ZNF626: variants seen among roughly 807,000 people sequenced by gnomAD.
ZNF626 encodes CTC-513N18.7.
In ZNF626, 4 loss-of-function variants were observed where a neutral mutation model predicts 11.7. The observed-to-expected ratio is 0.34, with a 90% confidence interval of 0.17 to 0.78. The LOEUF is 0.78. Among genes scored for constraint, ZNF626 ranks in the 30% least tolerant of loss-of-function variants. The pLI is 0.57. For missense variants in ZNF626, 588 were observed against 587.1 expected, an observed-to-expected ratio of 1.00 and a Z score of -0.01; for synonymous variants, 179 against 198.6, an observed-to-expected ratio of 0.90 and a Z score of 0.83.
At chr19:20,653,618 G>A (rs1555772791) in intron 1 of ZNF626, among the ~76,000 whole-genome samples, 7 of 140,698 alleles carry the variant, frequency 5.0e-5, no homozygotes, top group Non-Finnish European at 4.5e-5. Flanking sequence ...GACAGAGTGA[G>A]ACTCTGTCCC....
chr19:20,622,305 T>C lies in ZNF626; in HGVS notation c.*1985A>G, dbSNP rs1969766839. Reference sequence around the variant, plus strand: ...AGTAAAATTAGTAAAATAATTGATATACTTTAATTTATAATTTCTTTCTCT... The same window carrying C: ...AGTAAAATTAGTAAAATAATTGATACACTTTAATTTATAATTTCTTTCTCT... On this transcript the variant is annotated 3_prime_UTR_variant, in exon 4 of 4. Coordinates refer to ENST00000601440, the MANE Select transcript of ZNF626 (RefSeq NM_001076675.3). 2 of 152,248 alleles carry C rather than the reference T, an allele frequency of 1.3e-5. No individual in the cohort carries two copies. The highest frequency in any genetic ancestry group is 2.9e-5 in the Non-Finnish European group (2 of 68,040). The allele number at this position is 152,248 out of a possible 1,614,324, so 9.4% of individuals were successfully genotyped here.
intron 1 of ZNF626, among the ~76,000 whole-genome samples, chr19:20,658,413 G>A (rs1970228629): frequency 2.0e-5 from 3 of 152,182 alleles, no homozygotes; most frequent in African/African-American, 4.8e-5. Context: ...GCCCAGTACT[G>A]GGAGGAGTGA....
At chr19:20,634,905 T>C (rs910234642) in intron 3 of ZNF626, among the ~76,000 whole-genome samples, 1 of 152,086 alleles carries the variant, frequency 6.6e-6, no homozygotes. Flanking sequence ...AGTATAAAAG[T>C]GAAAAAGTAG....
At chr19:20,647,296 T>A (rs1970090315) in intron 1 of ZNF626, among the ~76,000 whole-genome samples, 1 of 151,668 alleles carries the variant, frequency 6.6e-6, no homozygotes, top group Non-Finnish European at 1.5e-5. Flanking sequence ...CAAAGAAACA[T>A]GTGTAGAAAA....
chr19:20,638,392 T>C lies in ZNF626; in HGVS notation c.226+7292A>G, dbSNP rs1300198223. Among the ~76,000 whole-genome samples, 3 of 148,176 alleles carry C rather than the reference T, an allele frequency of 2.0e-5. No individual in the cohort carries two copies. In the Admixed American group the frequency reaches 2.0e-4, roughly 10 times the overall value. ...GTGAACTGAGATTGCACCACTGCAC[T>C]GCAGCCTGGGCAACAAGAGCAAAAC... On this transcript the variant is annotated intron_variant, in intron 3 of 3. Transcript: ENST00000601440.
rs1317689279 is a variant in ZNF626 at position 20,625,064 on chromosome 19, G to C, written c.813C>G (p.Thr271=). The change falls in exon 4 of 4, where the codon ACC becomes ACG. Residue 271 remains threonine (T), a synonymous_variant. Coordinates refer to ENST00000601440, the MANE Select transcript of ZNF626 (RefSeq NM_001076675.3). ...TATGAATTATCTCATGTTTACTAAG[G>C]GTTGAGGATGACATAAAGGCTTTGC... The part of the protein sequence containing the change: ...KCGKAFMSSS[T]LSKHEIIHTE... 1.2e-6 allele frequency: 2 copies of C among 1,613,294 alleles called. No homozygotes were observed. Among genetic ancestry groups the C allele is most frequent in the African/African-American group, 2.7e-5 (2 of 74,878 alleles).
chr19:20,659,234 T>A (rs1463046764), intron 1 of ZNF626, among the ~76,000 whole-genome samples: 3 of 152,112 alleles, frequency 2.0e-5, no homozygotes, highest in East Asian at 3.9e-4. Flanking sequence ...TTGTCTTCAG[T>A]GGTCAAAATA....
chr19:20,641,313 AC>A (rs1302839249), intron 3 of ZNF626, among the ~76,000 whole-genome samples: 1 of 152,160 alleles, frequency 6.6e-6, no homozygotes, highest in African/African-American at 2.4e-5. Context: ...CTTAAATAAA[AC>A]AATCTTGTCA....
chr19:20,651,475 C>T (rs562451854), intron 1 of ZNF626, among the ~76,000 whole-genome samples: 1 of 152,126 alleles, frequency 6.6e-6, no homozygotes, highest in East Asian at 1.9e-4. Flanking sequence ...AGATCTCCTC[C>T]TTGTTTATCA....
rs782691902 is a variant in ZNF626 at position 20,625,667 on chromosome 19, A to G, written c.227-17T>C. ...AACACATTACTGAAAGAAACAATAA[A>G]AACACATTACTTCAATTGGTAGACT... On this transcript the variant is annotated splice_polypyrimidine_tract_variant and intron_variant, in intron 3 of 3. Coordinates refer to ENST00000601440, the MANE Select transcript of ZNF626 (RefSeq NM_001076675.3). 7.9e-6 allele frequency: 12 copies of G among 1,517,392 alleles called. No homozygotes were observed. Among genetic ancestry groups the G allele is most frequent in the East Asian group, 6.8e-5 (3 of 44,032 alleles). 94.0% of individuals were successfully genotyped at this position (1,517,392 alleles called of 1,614,324 possible).
intron 1 of ZNF626, among the ~76,000 whole-genome samples, chr19:20,657,265 C>T (rs1233115147): frequency 2.6e-5 from 4 of 151,986 alleles, no homozygotes; most frequent in African/African-American, 9.7e-5. Flanking sequence ...GTAGTCCCAG[C>T]TACTTGGGAG....
rs1555769355 is a variant in ZNF626 at position 20,625,042 on chromosome 19, G to T, written c.835C>A (p.His279Asn). 1 of 1,613,802 alleles carries T rather than the reference G, an allele frequency of 6.2e-7. No individual in the cohort carries two copies. Among genetic ancestry groups the T allele is most frequent in the South Asian group, 1.1e-5 (1 of 91,074 alleles). The change falls in exon 4 of 4, where the codon CAT becomes AAT. Residue 279 changes from histidine to asparagine, a missense_variant. Physicochemically the swap from His to Asn is moderately conservative, Grantham distance 68. Coordinates refer to ENST00000601440, the MANE Select transcript of ZNF626 (RefSeq NM_001076675.3). ...SSTLSKHEII[H>N]TEKKPYKCEE... ...CATTTGTAGGGTTTCTTTTCCGTAT[G>T]AATTATCTCATGTTTACTAAGGGTT...
intron 2 of ZNF626, 39 bp downstream of exon 2, chr19:20,646,240 A>G (rs185895454): frequency 8.3e-5 from 125 of 1,507,078 alleles, no homozygotes; most frequent in Non-Finnish European, 1.1e-4. Context: ...TAAATAAATA[A>G]AATCTATAGG....
chr19:20,645,907 A>T (rs1344549818), intron 2 of ZNF626, 128 bp from the exon 3 acceptor site: 2 of 673,270 alleles, frequency 3.0e-6, no homozygotes, highest in Non-Finnish European at 2.2e-6. Context: ...AAGTTGTAAC[A>T]GAAATTTTTA....
intron 1 of ZNF626, among the ~76,000 whole-genome samples, chr19:20,659,484 G>A (rs954925096): frequency 6.6e-5 from 10 of 152,084 alleles, no homozygotes; most frequent in African/African-American, 1.7e-4. Flanking sequence ...GCGGTGATCC[G>A]TCCGCCTAGG....
rs1402172232 is a variant in ZNF626 at position 20,622,620 on chromosome 19, A to G, written c.*1670T>C. ...TTTCAAAAAAATTGTTTTCAAGGAAACAAATATACTTTCAATGTAAATACA... is the reference window on the plus strand; with the variant it reads ...TTTCAAAAAAATTGTTTTCAAGGAAGCAAATATACTTTCAATGTAAATACA... On this transcript the variant is annotated 3_prime_UTR_variant, in exon 4 of 4. Transcript: ENST00000601440. The G allele has an allele frequency of 2.6e-5, 4 of 152,160 alleles. No homozygotes were observed. Among genetic ancestry groups the G allele is most frequent in the African/African-American group, 9.7e-5 (4 of 41,426 alleles). The allele number at this position is 152,160 out of a possible 1,614,324, so 9.4% of individuals were successfully genotyped here.
chr19:20,652,477 T>C (rs782054143), intron 1 of ZNF626, among the ~76,000 whole-genome samples: 1 of 152,104 alleles, frequency 6.6e-6, no homozygotes, highest in African/African-American at 2.4e-5. Context: ...GTGGGCAAAA[T>C]TGTTTGTCAG....
intron 2 of ZNF626, 84 bp downstream of exon 2, chr19:20,646,194 CA>C: frequency 7.2e-7 from 1 of 1,394,140 alleles, no homozygotes; most frequent in Non-Finnish European, 9.5e-7. Context: ...CTCTTTTATG[CA>C]AAGAATAAAT....
intron 3 of ZNF626, among the ~76,000 whole-genome samples, chr19:20,634,313 T>C (rs1274420299): frequency 1.3e-5 from 2 of 152,042 alleles, no homozygotes; most frequent in African/African-American, 2.4e-5. Flanking sequence ...TTATTTCTAA[T>C]GAAGGTATAG....
Sources: gnomAD v4.1 joint callset for allele counts (sites outside exome capture counted in the v4.1 genomes callset) on GRCh38, gnomAD v4.1.1 for gene constraint, MANE v1.5 for transcripts, NCBI Gene and HGNC (gene_info 2026-07-23, HGNC 2026-07-21) for gene names.